The following CAT variants were observed in gnomAD, a reference collection of about 807,000 sequenced individuals.
CAT encodes the protein epididymis secretory sperm binding protein.
A neutral mutation model predicts 59.0 loss-of-function variants in CAT; 43 were observed. That is an observed-to-expected ratio of 0.73 (90% CI 0.57 to 0.94). The LOEUF (loss-of-function observed/expected upper bound fraction) is 0.94, where lower values mean the gene tolerates loss of function less well. Among genes scored for constraint, CAT ranks in the 40% least tolerant of loss-of-function variants. CAT has a pLI of 0.00. For missense variants in CAT, 664 were observed against 682.9 expected (o/e 0.97, Z 0.31); for synonymous variants, 218 against 230.9 (o/e 0.94, Z 0.51).
Position 34,458,743 on chromosome 11 carries a change from C to T in CAT, c.1056+1926C>T, listed in dbSNP as rs17884242. Among the ~76,000 whole-genome samples, 759 of 152,236 alleles carry T rather than the reference C, an allele frequency of 5.0e-3. 4 individuals carry two copies. The highest frequency in any genetic ancestry group is 8.0e-3 in the Non-Finnish European group (547 of 68,016). The stretch of plus-strand genomic sequence containing the variant: ...TGGGTCTCTGGAACCACAGTGGGAC[C>T]GTGAGGCAGTCAGCAGCACTGAGTC... On this transcript the variant is annotated intron_variant, in intron 8 of 12. Transcript: ENST00000241052.
chr11:34,441,857 G>C (rs1012646353), intron 1 of CAT, among the ~76,000 whole-genome samples: 1 of 152,144 alleles, frequency 6.6e-6, no homozygotes, highest in Non-Finnish European at 1.5e-5. Context: ...TGCACAGGTG[G>C]TTTTATTTCT....
intron 1 of CAT, among the ~76,000 whole-genome samples, chr11:34,445,696 G>C (rs1856445098): frequency 6.6e-6 from 1 of 151,884 alleles, no homozygotes; most frequent in African/African-American, 2.4e-5. Flanking sequence ...ATGTTAACAA[G>C]GACCTCTCCA....
Position 34,449,300 on chromosome 11 carries a change from G to A in CAT, c.175G>A (p.Asp59Asn). The A allele has an allele frequency of 1.2e-6, 2 of 1,614,178 alleles. No homozygotes were observed. Among genetic ancestry groups the A allele is most frequent in the Middle Eastern group, 3.3e-4 (2 of 6,062 alleles). The change falls in exon 2 of 13, where the codon GAT (aspartate) becomes AAT (asparagine). Residue 59 changes from aspartate (D) to asparagine (N), a missense_variant. Transcript: ENST00000241052. ...PLLVQDVVFT[D>N]EMAHFDRERI... ...TCTTGTTCAGGATGTGGTTTTCACT[G>A]ATGAAATGGCTCATTTTGACCGAGA...
Position 34,468,311 on chromosome 11 carries a change from G to A in CAT, c.1350G>A (p.Val450=), listed in dbSNP as rs1856741667. The A allele has an allele frequency of 4.3e-6, 7 of 1,613,874 alleles. No individual in the cohort carries two copies. The highest frequency in any genetic ancestry group is 5.9e-6 in the Non-Finnish European group (7 of 1,179,914). Residue 450 remains valine (V), a synonymous_variant, in exon 11 of 13, where the codon GTG becomes GTA. Transcript: ENST00000241052. ...VTQVRAFYVN[V]LNEEQRKRLC... ...AGGTGCGGGCATTCTATGTGAACGT[G>A]CTGAATGAGGAACAGAGGAAACGTC...
intron 1 of CAT, 69 bp from the exon 2 acceptor site, chr11:34,449,123 C>A: frequency 7.6e-7 from 1 of 1,319,694 alleles, no homozygotes; most frequent in Non-Finnish European, 1.1e-6. Context: ...AAGCTATGTA[C>A]CCGTGACAGT....
intron 2 of CAT, among the ~76,000 whole-genome samples, chr11:34,450,228 A>T (rs1856507294): frequency 6.6e-6 from 1 of 152,262 alleles, no homozygotes; most frequent in Admixed American, 6.5e-5. Flanking sequence ...ATTGCAACTA[A>T]GTTTAAATGA....
At chr11:34,445,630 G>C (rs577527008) in intron 1 of CAT, among the ~76,000 whole-genome samples, 1 of 151,980 alleles carries the variant, frequency 6.6e-6, no homozygotes, top group African/African-American at 2.4e-5. Context: ...AGAGAGAGCA[G>C]TTCAGGAGAG....
intron 5 of CAT, 109 bp downstream of exon 5, chr11:34,453,303 C>T (rs1856551364): frequency 3.2e-5 from 25 of 782,936 alleles, no homozygotes; most frequent in Non-Finnish European, 4.8e-5. Flanking sequence ...GAATCAGCTT[C>T]CTCAGATTTC....
intron 9 of CAT, among the ~76,000 whole-genome samples, chr11:34,462,206 T>C (rs1856660086): frequency 6.6e-6 from 1 of 152,194 alleles, no homozygotes; most frequent in Non-Finnish European, 1.5e-5. Flanking sequence ...GTTTTAGTAA[T>C]ATAGACTGCA....
rs796270844 is a variant in CAT at position 34,461,278 on chromosome 11, C to T, written c.1084C>T (p.His362Tyr). 9 of 1,614,228 alleles carry T rather than the reference C, an allele frequency of 5.6e-6. No homozygotes were observed. Among genetic ancestry groups the T allele is most frequent in the Non-Finnish European group, 6.8e-6 (8 of 1,180,032 alleles). The part of the protein sequence containing the change: ...QGRLFAYPDT[H>Y]RHRLGPNYLH... Reference sequence around the variant, plus strand: ...CCGCCTTTTTGCCTATCCTGACACTCACCGCCATCGCCTGGGACCCAATTA... The same window carrying T: ...CCGCCTTTTTGCCTATCCTGACACTTACCGCCATCGCCTGGGACCCAATTA... The change falls in exon 9 of 13, where the codon CAC becomes TAC. Residue 362 changes from histidine (H) to tyrosine (Y), a missense_variant. Coordinates refer to ENST00000241052, the MANE Select transcript of CAT (RefSeq NM_001752.4).
At chr11:34,446,452 C>A (rs1196723794) in intron 1 of CAT, among the ~76,000 whole-genome samples, 2 of 152,102 alleles carry the variant, frequency 1.3e-5, no homozygotes, top group Non-Finnish European at 2.9e-5. Flanking sequence ...TCCAGCATTC[C>A]CACTCTTAAT....
chr11:34,447,412 A>T (rs1237479139), intron 1 of CAT, among the ~76,000 whole-genome samples: 4 of 151,988 alleles, frequency 2.6e-5, no homozygotes, highest in Admixed American at 6.6e-5. Context: ...GAAAGTAGAA[A>T]TTTTTTTTCT....
intron 1 of CAT, among the ~76,000 whole-genome samples, chr11:34,440,257 TCTC>T (rs1356282856): frequency 6.6e-6 from 1 of 152,216 alleles, no homozygotes; most frequent in African/African-American, 2.4e-5. Flanking sequence ...AGGCTGCCAT[TCTC>T]CTCCAAGGGC....
rs148918137 is a variant in CAT, at chr11:34,449,265, G to A, written c.140G>A (p.Arg47His). Residue 47 changes from arginine to histidine, a missense_variant, in exon 2 of 13, where the codon CGT (arginine) becomes CAT (histidine). Coordinates refer to ENST00000241052, the MANE Select transcript of CAT (RefSeq NM_001752.4). ...CTTAATGTTATTACAGTAGGGCCCCGTGGGCCCCTTCTTGTTCAGGATGTG... is the reference window on the plus strand; with the variant it reads ...CTTAATGTTATTACAGTAGGGCCCCATGGGCCCCTTCTTGTTCAGGATGTG... ...DKLNVITVGPRGPLLVQDVVF... is the reference protein window; with the variant it reads ...DKLNVITVGPHGPLLVQDVVF... The A allele has an allele frequency of 8.1e-5, 131 of 1,611,934 alleles. No individual in the cohort carries two copies. Among genetic ancestry groups the A allele is most frequent in the Non-Finnish European group, 1.0e-4 (122 of 1,178,098 alleles).
chr11:34,451,967 T>A lies in CAT; in HGVS notation c.350-110T>A. Reference sequence around the variant, plus strand: ...CGGGCACTTAAATACCTAATTTAGTTCTTGGAAGTGGATTAGAAAGGATGG... The same window carrying A: ...CGGGCACTTAAATACCTAATTTAGTACTTGGAAGTGGATTAGAAAGGATGG... On this transcript the variant is annotated intron_variant, in intron 3 of 12. Transcript: ENST00000241052. 3 of 1,169,642 alleles carry A rather than the reference T, an allele frequency of 2.6e-6. No individual in the cohort carries two copies. The Admixed American group carries it at 5.3e-5, about 21-fold the overall frequency. The allele number at this position is 1,169,642 out of a possible 1,614,324, so 72.5% of individuals were successfully genotyped here. A position where few individuals can be genotyped will look rare whatever the true frequency, so the allele number is the denominator to read the frequency against.
chr11:34,470,100 A>G (rs1856758373), intron 11 of CAT, among the ~76,000 whole-genome samples: 1 of 152,156 alleles, frequency 6.6e-6, no homozygotes. Context: ...TTTAGGGGTC[A>G]TTTCCCACTT....
At chr11:34,440,790 T>G (rs960876355) in intron 1 of CAT, among the ~76,000 whole-genome samples, 15 of 152,158 alleles carry the variant, frequency 9.9e-5, no homozygotes, top group African/African-American at 3.6e-4. Flanking sequence ...CTGGAACTCC[T>G]GACCTCAGGA....
At chr11:34,459,186 C>T (rs191341518) in intron 8 of CAT, among the ~76,000 whole-genome samples, 1 of 152,142 alleles carries the variant, frequency 6.6e-6, no homozygotes, top group Admixed American at 6.5e-5. Flanking sequence ...CTCATTTAGC[C>T]ATTTGGTGAC....
intron 7 of CAT, among the ~76,000 whole-genome samples, 174 bp downstream of exon 7, chr11:34,456,376 G>A (rs1856590242): frequency 2.0e-5 from 3 of 152,080 alleles, no homozygotes; most frequent in Non-Finnish European, 2.9e-5. Flanking sequence ...TTACTTCCAC[G>A]TTCCTGTTTG....
Sources: gnomAD v4.1 joint callset for allele counts (sites outside exome capture counted in the v4.1 genomes callset) on GRCh38, gnomAD v4.1.1 for gene constraint, MANE v1.5 for transcripts, NCBI Gene and HGNC (gene_info 2026-07-23, HGNC 2026-07-21) for gene names.